SSH2: variants seen among roughly 807,000 people sequenced by gnomAD.
SSH2 encodes protein phosphatase Slingshot homolog 2.
A neutral mutation model predicts 135.2 loss-of-function variants in SSH2; 37 were observed. The ratio of observed to expected loss-of-function variants is 0.27; its 90% CI spans 0.21 to 0.36. The LOEUF (loss-of-function observed/expected upper bound fraction) is 0.36, where lower values mean the gene tolerates loss of function less well. Among genes scored for constraint, SSH2 ranks in the 10% least tolerant of loss-of-function variants. The pLI, the probability that SSH2 is intolerant of heterozygous loss-of-function variation, is 1.00. For missense variants in SSH2, 1,408 were observed against 1,765.3 expected (o/e 0.80, Z 3.63); for synonymous variants, 628 against 646.2 (o/e 0.97, Z 0.43).
At chr17:29,929,831 C>G in intron 1 of SSH2, 107 bp downstream of exon 1, 1 of 1,092,950 alleles carries the variant, frequency 9.1e-7, no homozygotes, top group Non-Finnish European at 1.3e-6. Context: ...GTGCCAAGGC[C>G]TGGGAAGCGG....
chr17:29,915,081 C>A (rs2066858120), intron 1 of SSH2, among the ~76,000 whole-genome samples: 1 of 152,086 alleles, frequency 6.6e-6, no homozygotes, highest in African/African-American at 2.4e-5. Flanking sequence ...GTCAAGAAGA[C>A]AAATTAGCAT....
chr17:29,671,517 C>A (rs1181700996), intron 9 of SSH2, among the ~76,000 whole-genome samples: 1 of 152,022 alleles, frequency 6.6e-6, no homozygotes, highest in African/African-American at 2.4e-5. Flanking sequence ...TTAAGGCATT[C>A]TTTTAAGTTG....
intron 14 of SSH2, among the ~76,000 whole-genome samples, chr17:29,644,201 G>A (rs1484288840): frequency 6.6e-6 from 1 of 152,178 alleles, no homozygotes; most frequent in African/African-American, 2.4e-5. Flanking sequence ...CAACAACAGG[G>A]CCCCTAGTTT....
chr17:29,677,618 G>C (rs2151060481), intron 7 of SSH2, 55 bp downstream of exon 7: 1 of 1,450,186 alleles, frequency 6.9e-7, no homozygotes, highest in Non-Finnish European at 9.7e-7. Flanking sequence ...TGTGCAGTAA[G>C]ATGGAGCCCC....
intron 1 of SSH2, among the ~76,000 whole-genome samples, chr17:29,908,702 T>C (rs1325698190): frequency 1.4e-5 from 2 of 142,354 alleles, no homozygotes; most frequent in Non-Finnish European, 3.0e-5. Flanking sequence ...AGGCGGAGGT[T>C]GCAGTGAGCT....
chr17:29,830,557 A>G (rs1027457880), intron 2 of SSH2, among the ~76,000 whole-genome samples: 2 of 152,250 alleles, frequency 1.3e-5, no homozygotes, highest in African/African-American at 4.8e-5. Context: ...CCACTAGAGT[A>G]TAAGTTTCAA....
intron 3 of SSH2, among the ~76,000 whole-genome samples, chr17:29,744,651 G>C (rs1354342140): frequency 1.3e-5 from 2 of 152,038 alleles, no homozygotes; most frequent in Admixed American, 1.3e-4. Flanking sequence ...TTGGCAACTA[G>C]GCCATTAAAC....
chr17:29,905,681 C>T (rs138222853), intron 1 of SSH2, among the ~76,000 whole-genome samples: 126 of 152,254 alleles, frequency 8.3e-4, no homozygotes, highest in African/African-American at 2.9e-3. Context: ...TGGAAGGGGG[C>T]GGGTCCCTGG....
rs149908544 is a variant in SSH2 at position 29,764,216 on chromosome 17, G to A, written c.188+29678C>T. ...TCTGCCCGCCTTGGCCTCCCAAAGT[G>A]CTGAGATTACAGGTGTGAGCCACTG... On this transcript the variant is annotated intron_variant, in intron 3 of 15. Coordinates refer to ENST00000540801, the MANE Select transcript of SSH2 (RefSeq NM_001282129.2). Among the ~76,000 whole-genome samples the A allele has an allele frequency of 4.9e-3, 747 of 152,272 alleles. 4 individuals carry two copies. The highest frequency in any genetic ancestry group is 0.017 in the African/African-American group (722 of 41,544).
At chr17:29,697,172 TA>T (rs2049741069) in intron 4 of SSH2, among the ~76,000 whole-genome samples, 2 of 152,178 alleles carry the variant, frequency 1.3e-5, no homozygotes, top group South Asian at 4.1e-4. Context: ...TCTGAGGCTT[TA>T]GATAGCAGGA....
intron 11 of SSH2, among the ~76,000 whole-genome samples, chr17:29,661,091 A>AATACTC (rs1347856868): frequency 1.3e-5 from 2 of 151,628 alleles, no homozygotes; most frequent in African/African-American, 4.8e-5. Flanking sequence ...AAGAAAAGCA[A>AATACTC]ATACTCATTT....
intron 2 of SSH2, among the ~76,000 whole-genome samples, chr17:29,798,682 G>A (rs2042199883): frequency 6.6e-6 from 1 of 152,084 alleles, no homozygotes; most frequent in South Asian, 2.1e-4. Flanking sequence ...GTACAAACTG[G>A]TTGTTGCTTT....
Position 29,630,801 on chromosome 17 carries a change from C to T in SSH2, c.*40G>A. ...TTACATATTACACCTGCCCCTTTTA[C>T]AAACATTTCTTCTAGAAAGTCACAT... On this transcript the variant is annotated 3_prime_UTR_variant, in exon 16 of 16. Coordinates refer to ENST00000540801, the MANE Select transcript of SSH2 (RefSeq NM_001282129.2). 1 of 1,507,130 alleles carries T rather than the reference C, an allele frequency of 6.6e-7. No homozygotes were observed. The highest frequency in any genetic ancestry group is 8.9e-7 in the Non-Finnish European group (1 of 1,125,284). 93.4% of individuals were successfully genotyped at this position (1,507,130 alleles called of 1,614,324 possible).
At chr17:29,730,728 T>G (rs952331159) in intron 3 of SSH2, among the ~76,000 whole-genome samples, 2 of 152,136 alleles carry the variant, frequency 1.3e-5, no homozygotes, top group Non-Finnish European at 2.9e-5. Context: ...CATGAGCCAC[T>G]GCACCCAGCC....
intron 2 of SSH2, among the ~76,000 whole-genome samples, chr17:29,832,797 G>A (rs2151365502): frequency 6.6e-6 from 1 of 152,286 alleles, no homozygotes; most frequent in Non-Finnish European, 1.5e-5. Context: ...CTCCCGAGCA[G>A]CTGGGATCAC....
intron 5 of SSH2, among the ~76,000 whole-genome samples, chr17:29,687,655 C>A (rs1226777905): frequency 2.0e-5 from 3 of 152,166 alleles, no homozygotes; most frequent in Non-Finnish European, 4.4e-5. Context: ...AATCCTGGTG[C>A]AGGTAAACTG....
chr17:29,849,855 A>AGTAT (rs1043525991), intron 1 of SSH2, among the ~76,000 whole-genome samples: 2 of 97,098 alleles, frequency 2.1e-5, no homozygotes, highest in Admixed American at 1.1e-4. Flanking sequence ...AAAAAAAAAA[A>AGTAT]GTATATATAT....
At chr17:29,642,258 A>G (rs147949218) in intron 14 of SSH2, among the ~76,000 whole-genome samples, 4 of 152,240 alleles carry the variant, frequency 2.6e-5, no homozygotes, top group East Asian at 1.9e-4. Context: ...CAGCAAAGCC[A>G]GGGTAAAAGA....
At position 29,848,785 on chromosome 17, in the gene SSH2, A is replaced by C. The variant is rs1208663346; in HGVS notation, c.144+64T>G. The C allele has an allele frequency of 8.1e-6, 9 of 1,117,676 alleles. No individual in the cohort carries two copies. In the East Asian group the frequency reaches 2.3e-4, roughly 29 times the overall value. The allele number at this position is 1,117,676 out of a possible 1,614,324, so 69.2% of individuals were successfully genotyped here. Reference sequence around the variant, plus strand: ...ACTATATCAGTTGCATTTAATAGCCAAATTTACCCAATAAGATTTTACTTG... The same window carrying C: ...ACTATATCAGTTGCATTTAATAGCCCAATTTACCCAATAAGATTTTACTTG... On this transcript the variant is annotated intron_variant, in intron 2 of 15. Coordinates refer to ENST00000540801, the MANE Select transcript of SSH2 (RefSeq NM_001282129.2).
Sources: allele counts gnomAD v4.1 joint callset (sites outside exome capture counted in the v4.1 genomes callset), GRCh38; gene constraint gnomAD v4.1.1; transcripts MANE v1.5; gene names NCBI Gene and HGNC (gene_info 2026-07-23, HGNC 2026-07-21).